COG5: variants seen among roughly 807,000 people sequenced by gnomAD.
The protein encoded by COG5 is component of oligomeric golgi complex 5, also known as conserved oligomeric Golgi complex subunit 5.
Under a neutral mutation model 110.4 loss-of-function variants are expected in COG5, and 86 were observed. That is an observed-to-expected ratio of 0.78 (90% confidence interval 0.65 to 0.93). The LOEUF (loss-of-function observed/expected upper bound fraction) is 0.93. Ranked by LOEUF, COG5 falls within the 40% of genes least tolerant of loss-of-function variation. COG5 has a pLI of 0.00. For synonymous variants in COG5, 360 were observed against 334.6 expected, an observed-to-expected ratio of 1.08 and a Z score of -0.83; for missense variants, 1,077 against 987.0, an observed-to-expected ratio of 1.09 and a Z score of -1.22.
At chr7:107,356,915 TAAG>T (rs1179611492) in intron 10 of COG5, among the ~76,000 whole-genome samples, 6 of 152,138 alleles carry the variant, frequency 3.9e-5, no homozygotes, top group Admixed American at 6.5e-5. Context: ...ACTTGTAGAG[TAAG>T]AAGAACATTC....
intron 11 of COG5, among the ~76,000 whole-genome samples, chr7:107,316,186 G>A (rs985294714): frequency 6.6e-6 from 1 of 152,132 alleles, no homozygotes; most frequent in Non-Finnish European, 1.5e-5. Flanking sequence ...GAACTTTCTA[G>A]TTTTGTTTTA....
chr7:107,249,064 A>T (rs547230388), intron 16 of COG5, among the ~76,000 whole-genome samples: 9 of 152,010 alleles, frequency 5.9e-5, no homozygotes, highest in African/African-American at 2.2e-4. Context: ...CCCAATAGTT[A>T]TTTTTTTCTG....
intron 10 of COG5, among the ~76,000 whole-genome samples, chr7:107,356,914 G>A (rs867858968): frequency 2.0e-5 from 3 of 152,236 alleles, no homozygotes; most frequent in Non-Finnish European, 1.5e-5. Flanking sequence ...AACTTGTAGA[G>A]TAAGAAGAAC....
intron 5 of COG5, among the ~76,000 whole-genome samples, chr7:107,529,838 A>C (rs778990328): frequency 2.6e-5 from 4 of 152,274 alleles, no homozygotes; most frequent in Non-Finnish European, 4.4e-5. Context: ...TCTTCTGAGG[A>C]GGCAAGAATT....
chr7:107,204,555 TAA>T (rs947764572), intron 21 of COG5, among the ~76,000 whole-genome samples: 39 of 152,348 alleles, frequency 2.6e-4, no homozygotes, highest in African/African-American at 9.1e-4. Flanking sequence ...AGCATTTGTA[TAA>T]AGATGTAAGT....
chr7:107,395,940 A>C (rs926520546), intron 7 of COG5, among the ~76,000 whole-genome samples: 11 of 152,328 alleles, frequency 7.2e-5, no homozygotes, highest in Middle Eastern at 3.4e-3. Context: ...ACTTAAGACA[A>C]TAAAAAGAAC....
intron 6 of COG5, among the ~76,000 whole-genome samples, chr7:107,475,980 AC>A (rs1796953497): frequency 6.6e-6 from 1 of 151,310 alleles, no homozygotes; most frequent in South Asian, 2.1e-4. Flanking sequence ...CTCTGTATAC[AC>A]ACCAAAATAG....
chr7:107,363,252 A>C (rs1813286146), intron 8 of COG5, among the ~76,000 whole-genome samples: 1 of 152,224 alleles, frequency 6.6e-6, no homozygotes, highest in East Asian at 1.9e-4. Flanking sequence ...ATAAAAACAA[A>C]GCAGGATTCA....
intron 6 of COG5, among the ~76,000 whole-genome samples, chr7:107,497,215 C>T (rs187458939): frequency 9.2e-5 from 14 of 152,262 alleles, no homozygotes; most frequent in Admixed American, 3.3e-4. Flanking sequence ...GGCCCTGTCT[C>T]TACAAAACAA....
intron 10 of COG5, among the ~76,000 whole-genome samples, chr7:107,343,635 C>G (rs536680290): frequency 1.3e-5 from 2 of 152,062 alleles, no homozygotes; most frequent in Non-Finnish European, 2.9e-5. Context: ...GAGCTGACGT[C>G]GCACCACTGC....
intron 6 of COG5, among the ~76,000 whole-genome samples, chr7:107,507,137 C>CA (rs1799075742): frequency 6.6e-6 from 1 of 152,170 alleles, no homozygotes; most frequent in South Asian, 2.1e-4. Context: ...ATCCTGGAGG[C>CA]AGTCTCTTCC....
chr7:107,257,088 G>A (rs543800015), intron 15 of COG5, among the ~76,000 whole-genome samples: 145 of 152,012 alleles, frequency 9.5e-4, no homozygotes, highest in Non-Finnish European at 1.6e-3. Flanking sequence ...ACTTGAAAAG[G>A]TCAGAATAAA....
At chr7:107,336,638 T>C (rs887030805) in intron 10 of COG5, among the ~76,000 whole-genome samples, 5 of 152,192 alleles carry the variant, frequency 3.3e-5, no homozygotes, top group African/African-American at 1.2e-4. Flanking sequence ...AATTAACACA[T>C]ATACCTGAAA....
At chr7:107,531,038 T>C (rs1801166321) in intron 5 of COG5, among the ~76,000 whole-genome samples, 1 of 140,500 alleles carries the variant, frequency 7.1e-6, no homozygotes. Context: ...CATTAATCAC[T>C]TCCTTACTTT....
At chr7:107,220,781 T>C (rs1799858817) in intron 19 of COG5, among the ~76,000 whole-genome samples, 1 of 151,694 alleles carries the variant, frequency 6.6e-6, no homozygotes, top group African/African-American at 2.4e-5. Flanking sequence ...AAGGGGACTT[T>C]GAGGGATGCA....
intron 6 of COG5, among the ~76,000 whole-genome samples, chr7:107,509,388 T>C (rs1281529523): frequency 1.3e-5 from 2 of 152,118 alleles, no homozygotes; most frequent in Admixed American, 6.6e-5. Context: ...CCAAGAAATA[T>C]GGGACTATGT....
At chr7:107,285,801 G>A (rs1805578662) in intron 12 of COG5, among the ~76,000 whole-genome samples, 1 of 151,364 alleles carries the variant, frequency 6.6e-6, no homozygotes, top group Non-Finnish European at 1.5e-5. Flanking sequence ...AGGAGGAAAG[G>A]GTGCAGTGAG....
intron 8 of COG5, among the ~76,000 whole-genome samples, chr7:107,370,817 T>C (rs576111916): frequency 4.2e-4 from 62 of 148,716 alleles, no homozygotes; most frequent in Admixed American, 1.5e-3. Flanking sequence ...TATATATATA[T>C]ACACACACAA....
intron 6 of COG5, among the ~76,000 whole-genome samples, chr7:107,440,182 C>T (rs1241971055): frequency 6.6e-6 from 1 of 152,132 alleles, no homozygotes; most frequent in African/African-American, 2.4e-5. Context: ...TTTTAATCTT[C>T]TTGAGAGCAG....
Sources: gnomAD v4.1 joint callset for allele counts (sites outside exome capture counted in the v4.1 genomes callset) on GRCh38, gnomAD v4.1.1 for gene constraint, MANE v1.5 for transcripts, NCBI Gene and HGNC (gene_info 2026-07-23, HGNC 2026-07-21) for gene names.